Variants in TMTC2 observed in about 807,000 individuals in gnomAD.
TMTC2 encodes transmembrane O-mannosyltransferase targeting cadherins 2, also known as protein O-mannosyl-transferase TMTC2.
TMTC2 carries 43 observed loss-of-function variants against 82.4 expected under a neutral mutation model. The ratio of observed to expected loss-of-function variants is 0.52; its 90% confidence interval spans 0.41 to 0.67. The LOEUF (loss-of-function observed/expected upper bound fraction) is 0.67, where lower values mean the gene tolerates loss of function less well. Among genes scored for constraint, TMTC2 ranks in the 30% least tolerant of loss-of-function variants. TMTC2 has a pLI of 0.00. For synonymous variants in TMTC2, 408 were observed against 381.9 expected, an observed-to-expected ratio of 1.07 and a Z score of -0.80; for missense variants, 919 against 1,012.4, an observed-to-expected ratio of 0.91 and a Z score of 1.25.
At chr12:82,791,402 A>C (rs1878463659) in intron 1 of TMTC2, among the ~76,000 whole-genome samples, 1 of 152,078 alleles carries the variant, frequency 6.6e-6, no homozygotes, top group Non-Finnish European at 1.5e-5. Flanking sequence ...TATGGAATGA[A>C]TGGTGAAATT....
intron 2 of TMTC2, among the ~76,000 whole-genome samples, chr12:82,858,413 G>A (rs906308266): frequency 3.9e-5 from 6 of 152,186 alleles, no homozygotes; most frequent in Non-Finnish European, 7.3e-5. Flanking sequence ...GCGTGAAGAC[G>A]GAACTGGGCC....
chr12:82,930,690 G>A lies in TMTC2; in HGVS notation c.1598+145G>A, dbSNP rs894010450. ...TTAATCATGCCTCTGAGACTATTAG[G>A]TGGATGGTGTTTGTGATTTCTTTGT... On this transcript the variant is annotated intron_variant, in intron 4 of 11. Transcript: ENST00000321196. 1.0e-5 allele frequency: 5 copies of A among 494,564 alleles called. No homozygotes were observed. The South Asian group carries it at 1.7e-4, about 17-fold the overall frequency. 30.6% of individuals were successfully genotyped at this position (494,564 alleles called of 1,614,324 possible).
At chr12:82,700,052 T>A (rs1305974799) in intron 1 of TMTC2, among the ~76,000 whole-genome samples, 1 of 152,206 alleles carries the variant, frequency 6.6e-6, no homozygotes, top group Non-Finnish European at 1.5e-5. Flanking sequence ...GAAAATGTGA[T>A]GCCATTTTAT....
chr12:82,966,073 A>T, intron 6 of TMTC2: 2 of 297,136 alleles, frequency 6.7e-6, no homozygotes, highest in Non-Finnish European at 1.3e-5. Flanking sequence ...TTTGCTCACC[A>T]TTTCTTTGGT....
chr12:82,965,150 C>A, intron 5 of TMTC2, 41 bp downstream of exon 5: 1 of 1,455,550 alleles, frequency 6.9e-7, no homozygotes, highest in Non-Finnish European at 9.5e-7. Context: ...TACCTCTTTC[C>A]ATATTTGAAA....
Position 82,889,879 on chromosome 12 carries a change from T to C in TMTC2, c.655-5939T>C, listed in dbSNP as rs115508113. 2.9e-3 allele frequency among the ~76,000 whole-genome samples: 444 copies of C among 152,264 alleles called. 1 individual carries two copies. The highest frequency in any genetic ancestry group is 0.01 in the African/African-American group (426 of 41,554). ...TACCATGATTTTTTTATTACCATAT[T>C]GAAATTTATATCTATTTCTGTTTTT... On this transcript the variant is annotated intron_variant, in intron 2 of 11. Transcript: ENST00000321196.
chr12:82,989,589 A>G (rs1052223955), intron 8 of TMTC2, among the ~76,000 whole-genome samples: 7 of 151,214 alleles, frequency 4.6e-5, no homozygotes, highest in Non-Finnish European at 8.9e-5. Context: ...GTTAGAAAAG[A>G]AAAAAAAATT....
At chr12:83,052,448 A>G (rs1399873765) in intron 10 of TMTC2, among the ~76,000 whole-genome samples, 1 of 152,146 alleles carries the variant, frequency 6.6e-6, no homozygotes, top group East Asian at 1.9e-4. Context: ...CCAATCTGCA[A>G]GAGCCTTCAA....
At chr12:82,753,562 A>T (rs1876134903) in intron 1 of TMTC2, among the ~76,000 whole-genome samples, 1 of 152,194 alleles carries the variant, frequency 6.6e-6, no homozygotes, top group African/African-American at 2.4e-5. Context: ...GATTAGGAAG[A>T]CAGTTATTCA....
At chr12:83,020,665 AC>A (rs5799612) in intron 8 of TMTC2, among the ~76,000 whole-genome samples, 89,893 of 151,934 alleles carry the variant, frequency 0.59, 27,116 homozygotes, top group South Asian at 0.73. Flanking sequence ...GTGTCAGGAT[AC>A]CAATATAGCA....
intron 2 of TMTC2, among the ~76,000 whole-genome samples, chr12:82,878,380 G>A (rs556872903): frequency 1.4e-4 from 21 of 152,306 alleles, no homozygotes; most frequent in Admixed American, 2.6e-4. Flanking sequence ...TGTGATACAA[G>A]TTATGAGATT....
chr12:82,909,427 C>T (rs1236732499), intron 3 of TMTC2, among the ~76,000 whole-genome samples: 1 of 152,126 alleles, frequency 6.6e-6, no homozygotes, highest in Non-Finnish European at 1.5e-5. Context: ...GCAACCTCCA[C>T]CTCCCAGGTT....
chr12:82,701,510 G>T (rs4882428), intron 1 of TMTC2, among the ~76,000 whole-genome samples: 23,349 of 151,036 alleles, frequency 0.15, 2,037 homozygotes, highest in East Asian at 0.36. Context: ...CCAGCACTTT[G>T]GGAGGCCGAG....
intron 11 of TMTC2, among the ~76,000 whole-genome samples, chr12:83,121,697 G>A (rs956338663): frequency 7.2e-5 from 11 of 152,068 alleles, no homozygotes; most frequent in Non-Finnish European, 1.3e-4. Context: ...AACAGGCGGT[G>A]TGTGGGGCCC....
chr12:82,872,908 C>T (rs1872274404), intron 2 of TMTC2, among the ~76,000 whole-genome samples: 1 of 152,150 alleles, frequency 6.6e-6, no homozygotes, highest in Admixed American at 6.5e-5. Context: ...CATTAAATAA[C>T]ACTCCCAACA....
chr12:82,895,577 A>C (rs1027572120), intron 2 of TMTC2, among the ~76,000 whole-genome samples: 1 of 152,152 alleles, frequency 6.6e-6, no homozygotes, highest in African/African-American at 2.4e-5. Context: ...TTTAGAGAGA[A>C]AAAAATAAGA....
At chr12:82,703,512 T>C (rs1245187631) in intron 1 of TMTC2, among the ~76,000 whole-genome samples, 2 of 151,022 alleles carry the variant, frequency 1.3e-5, no homozygotes, top group Non-Finnish European at 3.0e-5. Flanking sequence ...TTTTTTTTTT[T>C]TTTTGAGACA....
intron 7 of TMTC2, among the ~76,000 whole-genome samples, chr12:82,972,230 A>G (rs1256557733): frequency 2.0e-5 from 3 of 151,894 alleles, no homozygotes; most frequent in African/African-American, 4.8e-5. Flanking sequence ...ATTGCTTTTT[A>G]TTATCTTATT....
intron 1 of TMTC2, among the ~76,000 whole-genome samples, chr12:82,761,967 C>T (rs1293087669): frequency 8.0e-5 from 6 of 74,616 alleles, no homozygotes; most frequent in African/African-American, 1.5e-4. Context: ...TTTCCCTTTC[C>T]TTTTTTTTTT....
Sources: gnomAD v4.1 joint callset for allele counts (sites outside exome capture counted in the v4.1 genomes callset) on GRCh38, gnomAD v4.1.1 for gene constraint, MANE v1.5 for transcripts, NCBI Gene and HGNC (gene_info 2026-07-23, HGNC 2026-07-21) for gene names.